Variants in FCHO1 observed in about 807,000 individuals in gnomAD.
FCHO1 encodes FCH and mu domain containing endocytic adaptor 1.
FCHO1 carries 45 observed loss-of-function variants against 114.4 expected under a neutral mutation model. That is an observed-to-expected ratio of 0.39 (90% confidence interval 0.31 to 0.50). The LOEUF is 0.50. Ranked by LOEUF, FCHO1 falls within the 20% of genes least tolerant of loss-of-function variation. The probability of loss-of-function intolerance (pLI) is 0.77; values close to 1 mark genes in which losing one functional copy is unlikely to be tolerated. For synonymous variants in FCHO1, 480 were observed against 488.9 expected (o/e 0.98, Z 0.24); for missense variants, 1,042 against 1,209.6 (o/e 0.86, Z 2.06).
At position 17,762,784 on chromosome 19, in the gene FCHO1, A is replaced by C. The variant is rs1262323734; in HGVS notation, c.50A>C (p.Glu17Ala). ...CAGGGCGAGAAAAATCATGGCTTTG[A>C]GGTCCTGTACCACAGCGTGAAGCAG... ...HFWGEKNHGF[E>A]VLYHSVKQGP... Residue 17 changes from glutamate (E) to alanine (A), a missense_variant, in exon 5 of 29, where the codon GAG becomes GCG. By Grantham distance (107) the Glu-to-Ala change is moderately radical. Coordinates refer to ENST00000596536, the MANE Select transcript of FCHO1 (RefSeq NM_015122.3). 1 of 1,613,844 alleles carries C rather than the reference A, an allele frequency of 6.2e-7. No individual in the cohort carries two copies. The highest frequency in any genetic ancestry group is 1.1e-5 in the South Asian group (1 of 91,076).
At chr19:17,783,963 C>T (rs1353919730) in intron 24 of FCHO1, 140 bp from the exon 25 acceptor site, 3 of 1,024,734 alleles carry the variant, frequency 2.9e-6, no homozygotes, top group Non-Finnish European at 4.3e-6. Flanking sequence ...TTACTGCCCG[C>T]ACCACAACCA....
At position 17,783,001 on chromosome 19, in the gene FCHO1, CCCTCAT is replaced by C. The variant is rs778804414; in HGVS notation, c.1938-11_1938-6del. 25 of 1,612,914 alleles carry C rather than the reference CCCTCAT, an allele frequency of 1.5e-5. No homozygotes were observed. Among genetic ancestry groups the C allele is most frequent in the Non-Finnish European group, 2.0e-5 (23 of 1,179,350 alleles). ...CAGAGCCCTAAGCCAACACCCAGTC[CCCTCAT>C]CCTCCCTAGCTGCCTGGCTCGAGTA... On this transcript the variant is annotated splice_polypyrimidine_tract_variant and intron_variant, in intron 23 of 28. Transcript: ENST00000596536.
At position 17,784,910 on chromosome 19, in the gene FCHO1, G is replaced by A. The variant is rs772858682; in HGVS notation, c.2412G>A (p.Gln804=). 2 of 1,611,748 alleles carry A rather than the reference G, an allele frequency of 1.2e-6. No individual in the cohort carries two copies. The highest frequency in any genetic ancestry group is 2.2e-5 in the South Asian group (2 of 91,076). The stretch of plus-strand genomic sequence containing the variant: ...AGCCTGTGACCAACGTCCGCTTGCA[G>A]CCGGCTGCCACCTGGTGAGGGCTTG... The part of the protein sequence containing the change: ...VGEPVTNVRL[Q]PAATWNLEEK... Residue 804 remains glutamine, a synonymous_variant, in exon 26 of 29, where the codon CAG becomes CAA. Coordinates refer to ENST00000596536, the MANE Select transcript of FCHO1 (RefSeq NM_015122.3). The surrounding 1 kb of genome is among the most constrained non-coding windows in gnomAD (Gnocchi z 5.3).
Position 17,783,053 on chromosome 19 carries a change from C to G in FCHO1, c.1974C>G (p.Thr658=), listed in dbSNP as rs745583805. ...LARVTGELTM[T]FPAGIVRVFS... is the part of the protein sequence containing the mutation. ...GAGTAACTGGGGAGCTGACCATGAC[C>G]TTCCCTGCTGGCATCGTGCGTGTGT... The change falls in exon 24 of 29, where the codon ACC becomes ACG. Residue 658 remains threonine, a synonymous_variant. Coordinates refer to ENST00000596536, the MANE Select transcript of FCHO1 (RefSeq NM_015122.3). 6.2e-7 allele frequency: 1 copy of G among 1,614,148 alleles called. No individual in the cohort carries two copies. The highest frequency in any genetic ancestry group is 8.5e-7 in the Non-Finnish European group (1 of 1,180,024).
chr19:17,771,184 G>A (rs962024158), intron 9 of FCHO1, among the ~76,000 whole-genome samples: 7 of 151,614 alleles, frequency 4.6e-5, no homozygotes, highest in South Asian at 4.2e-4. Flanking sequence ...ACCAGAAGGC[G>A]GAGGTTGCAG....
rs2147140987 is a variant in FCHO1, at chr19:17,776,546, C to T, written c.1208-89C>T. 2.7e-6 allele frequency: 4 copies of T among 1,456,446 alleles called. No homozygotes were observed. Among genetic ancestry groups the T allele is most frequent in the Non-Finnish European group, 3.8e-6 (4 of 1,039,532 alleles). 90.2% of individuals were successfully genotyped at this position (1,456,446 alleles called of 1,614,324 possible). On this transcript the variant is annotated intron_variant, in intron 17 of 28. Coordinates refer to ENST00000596536, the MANE Select transcript of FCHO1 (RefSeq NM_015122.3). This position sits in a 1 kb window ranked among gnomAD's most constrained non-coding sequence, Gnocchi z 4.4. ...TGATCACCTTGGGCAACTGGCTGGACACCCCCGAGCCTCGGTCCCTTGGTC... is the reference window on the plus strand; with the variant it reads ...TGATCACCTTGGGCAACTGGCTGGATACCCCCGAGCCTCGGTCCCTTGGTC...
Position 17,775,144 on chromosome 19 carries a change from T to C in FCHO1, c.945+64T>C. On this transcript the variant is annotated intron_variant, in intron 14 of 28. Coordinates refer to ENST00000596536, the MANE Select transcript of FCHO1 (RefSeq NM_015122.3). The surrounding 1 kb of genome is among the most constrained non-coding windows in gnomAD (Gnocchi z 5.1). ...GAAGGAGTTTGATCCCACTCTTGGC[T>C]CCTAGAGTCCCGATCCCTACTGGAA... is the stretch of plus-strand genomic sequence containing the variant. The C allele has an allele frequency of 1.3e-6, 2 of 1,522,602 alleles. No individual in the cohort carries two copies. The highest frequency in any genetic ancestry group is 1.8e-6 in the Non-Finnish European group (2 of 1,109,922). 94.3% of individuals were successfully genotyped at this position (1,522,602 alleles called of 1,614,324 possible). A position where few individuals can be genotyped will look rare whatever the true frequency, so the allele number is the denominator to read the frequency against.
chr19:17,784,645 C>G lies in FCHO1; in HGVS notation c.2227-80C>G. 7.3e-7 allele frequency: 1 copy of G among 1,376,382 alleles called. No homozygotes were observed. 85.3% of individuals were successfully genotyped at this position (1,376,382 alleles called of 1,614,324 possible). ...TGGGGCGGTGCGTGCATCGCAGGGT[C>G]AAGGTGGTTGAATAGCGCATGGTGT... On this transcript the variant is annotated intron_variant, in intron 25 of 28. Transcript: ENST00000596536. This position sits in a 1 kb window ranked among gnomAD's most constrained non-coding sequence, Gnocchi z 5.3.
At chr19:17,780,074 G>A (rs966743399) in intron 20 of FCHO1, among the ~76,000 whole-genome samples, 3 of 151,906 alleles carry the variant, frequency 2.0e-5, no homozygotes, top group East Asian at 1.9e-4. Flanking sequence ...AGGGCTCCTG[G>A]CACCCTCCAT....
rs2092693925 is a variant in FCHO1 at position 17,776,828 on chromosome 19, CAG to C, written c.1259+145_1259+146del. On this transcript the variant is annotated intron_variant, in intron 18 of 28. Transcript: ENST00000596536. This position sits in a 1 kb window ranked among gnomAD's most constrained non-coding sequence, Gnocchi z 4.4. Reference sequence around the variant, plus strand: ...TTTTGTTTTTGTTTTTGTTTTGAGACAGAGTCTCACTCTGTCACCCAGGCTGG... The same window carrying C: ...TTTTGTTTTTGTTTTTGTTTTGAGACAGTCTCACTCTGTCACCCAGGCTGG... 3.9e-6 allele frequency: 3 copies of C among 761,640 alleles called. No homozygotes were observed. Among genetic ancestry groups the C allele is most frequent in the Admixed American group, 5.6e-5 (2 of 35,822 alleles). 47.2% of individuals were successfully genotyped at this position (761,640 alleles called of 1,614,324 possible).
Position 17,784,312 on chromosome 19 carries a change from C to T in FCHO1, c.2226+77C>T. The T allele has an allele frequency of 2.6e-6, 4 of 1,514,900 alleles. No individual in the cohort carries two copies. Among genetic ancestry groups the T allele is most frequent in the Non-Finnish European group, 1.8e-6 (2 of 1,124,066 alleles). The allele number at this position is 1,514,900 out of a possible 1,614,324, so 93.8% of individuals were successfully genotyped here. On this transcript the variant is annotated intron_variant, in intron 25 of 28. Coordinates refer to ENST00000596536, the MANE Select transcript of FCHO1 (RefSeq NM_015122.3). The surrounding 1 kb of genome is among the most constrained non-coding windows in gnomAD (Gnocchi z 5.3). ...GAGCCGGCAGCAGACATGGAGGCGC[C>T]TGCGTGTTGGCCAGGCTGGTCTCGA... is the stretch of plus-strand genomic sequence containing the variant.
At chr19:17,774,342 T>C (rs370703775) in intron 12 of FCHO1, 52 bp from the exon 13 acceptor site, 18 of 1,612,726 alleles carry the variant, frequency 1.1e-5, no homozygotes, top group Non-Finnish European at 1.5e-5. Flanking sequence ...GAGGCTGATC[T>C]GAATGTGAAA....
intron 7 of FCHO1, among the ~76,000 whole-genome samples, chr19:17,769,819 T>C (rs4808095): frequency 6.6e-6 from 1 of 151,918 alleles, no homozygotes; most frequent in African/African-American, 2.4e-5. Context: ...TTCTGAAATA[T>C]GAACCATGTG....
chr19:17,750,226 G>T (rs2081551716), upstream of FCHO1, among the ~76,000 whole-genome samples: 1 of 152,126 alleles, frequency 6.6e-6, no homozygotes, highest in Non-Finnish European at 1.5e-5. Flanking sequence ...TCTGGGCTTT[G>T]TGCTGGTACT....
At chr19:17,764,044 C>CTTTTTTTT (rs11458516) in intron 5 of FCHO1, among the ~76,000 whole-genome samples, 5 of 145,164 alleles carry the variant, frequency 3.4e-5, no homozygotes, top group African/African-American at 1.3e-4. Context: ...GCTTCTTCAT[C>CTTTTTTTT]TTTTTTTTTT....
At chr19:17,759,591 G>A (rs973086815) in intron 4 of FCHO1, among the ~76,000 whole-genome samples, 6 of 152,020 alleles carry the variant, frequency 3.9e-5, no homozygotes, top group African/African-American at 7.2e-5. Context: ...TTCCAACAGC[G>A]GGCGCAGAGG....
In FCHO1 at chr19:17,775,554, C is replaced by G. The variant is rs1423129483; in HGVS notation, c.1003+41C>G. On this transcript the variant is annotated intron_variant, in intron 15 of 28. Transcript: ENST00000596536. This position sits in a 1 kb window ranked among gnomAD's most constrained non-coding sequence, Gnocchi z 5.1. ...CCCCTGGGGGCAGTTGTTGGCACAG[C>G]AAGGACAAAATTCTCCGTAATAACC... The G allele has an allele frequency of 7.0e-6, 11 of 1,575,192 alleles. No individual in the cohort carries two copies. In the Admixed American group the frequency reaches 1.7e-4, roughly 24 times the overall value.
chr19:17,771,818 T>G (rs1377383749), intron 9 of FCHO1, among the ~76,000 whole-genome samples: 2 of 152,122 alleles, frequency 1.3e-5, no homozygotes, highest in Non-Finnish European at 2.9e-5. Flanking sequence ...GAATTTCTGC[T>G]TCTTTTATTT....
At chr19:17,750,439 T>C (rs2081602271), upstream of FCHO1, among the ~76,000 whole-genome samples, 1 of 152,206 alleles carries the variant, frequency 6.6e-6, no homozygotes, top group Non-Finnish European at 1.5e-5. Context: ...TTTATGTCAA[T>C]GTAGTTGTAA....
Sources: allele counts gnomAD v4.1 joint callset (sites outside exome capture counted in the v4.1 genomes callset), GRCh38; gene constraint gnomAD v4.1.1; non-coding constraint Gnocchi (gnomAD v3.1); transcripts MANE v1.5; gene names NCBI Gene and HGNC (gene_info 2026-07-23, HGNC 2026-07-21).